The following PXYLP1 variants were observed in gnomAD, a reference collection of about 807,000 sequenced individuals.
PXYLP1 encodes acid phosphatase-like 2.
A neutral mutation model predicts 37.9 loss-of-function variants in PXYLP1; 17 were observed. The observed-to-expected ratio is 0.45, with a 90% CI of 0.31 to 0.67. PXYLP1 has a LOEUF of 0.67. Ranked by LOEUF, PXYLP1 falls within the 30% of genes least tolerant of loss-of-function variation. The pLI is 0.07. For synonymous variants in PXYLP1, 221 were observed against 232.2 expected (o/e 0.95, Z 0.44); for missense variants, 511 against 612.0 (o/e 0.84, Z 1.74).
intron 5 of PXYLP1, among the ~76,000 whole-genome samples, chr3:141,288,251 A>G (rs934909558): frequency 6.6e-6 from 1 of 152,250 alleles, no homozygotes; most frequent in Middle Eastern, 3.2e-3. Context: ...CCTGGTCACC[A>G]GCCTTTATGG....
intron 1 of PXYLP1, among the ~76,000 whole-genome samples, chr3:141,248,664 TAC>T (rs745656230): frequency 0.082 from 4,551 of 55,592 alleles, 1,018 homozygotes; most frequent in Middle Eastern, 0.12. Context: ...CACGTATATA[TAC>T]ACACACGTGT....
intron 1 of PXYLP1, among the ~76,000 whole-genome samples, chr3:141,235,932 C>G (rs568160201): frequency 1.3e-5 from 2 of 152,372 alleles, no homozygotes; most frequent in Admixed American, 1.3e-4. Context: ...GGGGAAGCCA[C>G]TGGCTTTTGG....
chr3:141,239,545 C>G (rs1940745806), intron 1 of PXYLP1, among the ~76,000 whole-genome samples: 1 of 152,070 alleles, frequency 6.6e-6, no homozygotes, highest in Admixed American at 6.5e-5. Flanking sequence ...GCATCTTGCT[C>G]TAATGACTGC....
In PXYLP1 at chr3:141,268,168, GGAGAGAGA is replaced by G. The variant is rs142785821; in HGVS notation, c.79+7946_79+7953del. ...GTACCTTTATATGCGGGTGGGTGGGGGAGAGAGAGAGAGAGAGAGAGAGAGAGAGAGAG... is the reference window on the plus strand; with the variant it reads ...GTACCTTTATATGCGGGTGGGTGGGGGAGAGAGAGAGAGAGAGAGAGAGAG... On this transcript the variant is annotated intron_variant, in intron 2 of 5. Coordinates refer to ENST00000286353, the MANE Select transcript of PXYLP1 (RefSeq NM_001037172.3). 4.9e-3 allele frequency among the ~76,000 whole-genome samples: 629 copies of G among 129,636 alleles called. 7 individuals carry two copies. Among genetic ancestry groups the G allele is most frequent in the South Asian group, 0.01 (40 of 3,828 alleles). 85.0% of individuals were successfully genotyped at this position (129,636 alleles called of 152,430 possible).
At chr3:141,278,630 A>G (rs1941864599) in intron 3 of PXYLP1, 130 bp downstream of exon 3, 2 of 1,202,208 alleles carry the variant, frequency 1.7e-6, no homozygotes, top group Non-Finnish European at 2.3e-6. Flanking sequence ...GTGCCCTTGA[A>G]TGAGTTCCTG....
chr3:141,240,122 A>G (rs779357577), intron 1 of PXYLP1, among the ~76,000 whole-genome samples: 1 of 152,190 alleles, frequency 6.6e-6, no homozygotes, highest in Non-Finnish European at 1.5e-5. Flanking sequence ...ATCTGTCTGT[A>G]CTGACACTTG....
At position 141,286,304 on chromosome 3, in the gene PXYLP1, T is replaced by C. The variant is rs923853545; in HGVS notation, c.366-1010T>C. ...GCAGAAATATAGATACTCTCAGATC[T>C]CATATATAAACTTTTTTTGACATTT... On this transcript the variant is annotated intron_variant, in intron 4 of 5. Coordinates refer to ENST00000286353, the MANE Select transcript of PXYLP1 (RefSeq NM_001037172.3). Among the ~76,000 whole-genome samples, 3 of 152,214 alleles carry C rather than the reference T, an allele frequency of 2.0e-5. No individual in the cohort carries two copies. The East Asian group carries it at 5.8e-4, about 29-fold the overall frequency.
intron 1 of PXYLP1, among the ~76,000 whole-genome samples, chr3:141,254,573 G>T (rs77798932): frequency 6.6e-6 from 1 of 152,270 alleles, no homozygotes; most frequent in East Asian, 1.9e-4. Context: ...AGACTTCAAG[G>T]TTGGTTTTTC....
chr3:141,244,161 C>CT (rs200012420), intron 1 of PXYLP1, among the ~76,000 whole-genome samples: 3,832 of 152,032 alleles, frequency 0.025, 160 homozygotes, highest in African/African-American at 0.085. Flanking sequence ...AATGTTTTTC[C>CT]TTTTTAAAAA....
chr3:141,279,643 T>A, intron 4 of PXYLP1, 139 bp downstream of exon 4: 1 of 1,071,868 alleles, frequency 9.3e-7, no homozygotes, highest in Non-Finnish European at 1.3e-6. Context: ...TGAGTGCCAT[T>A]ATACAGTTGA....
chr3:141,243,989 C>G (rs1203930258), intron 1 of PXYLP1, among the ~76,000 whole-genome samples: 1 of 152,118 alleles, frequency 6.6e-6, no homozygotes, highest in African/African-American at 2.4e-5. Flanking sequence ...TTAGAAAATG[C>G]AGAAATATAT....
At chr3:141,282,850 C>A (rs1388054600) in intron 4 of PXYLP1, among the ~76,000 whole-genome samples, 1 of 152,140 alleles carries the variant, frequency 6.6e-6, no homozygotes, top group Admixed American at 6.5e-5. Flanking sequence ...TGGTGGTACC[C>A]CTCCCTGGAA....
chr3:141,258,118 C>T (rs968836287), intron 1 of PXYLP1, among the ~76,000 whole-genome samples: 6 of 152,062 alleles, frequency 3.9e-5, no homozygotes, highest in East Asian at 1.9e-4. Context: ...CACATGCAAA[C>T]GCAGGGCAAC....
At chr3:141,262,691 A>C (rs966098141) in intron 2 of PXYLP1, 2 of 1,534,558 alleles carry the variant, frequency 1.3e-6, no homozygotes, top group African/African-American at 2.7e-5. Context: ...GAAAGATATT[A>C]AGATATGGAC....
intron 2 of PXYLP1, among the ~76,000 whole-genome samples, chr3:141,261,282 T>C (rs1292214902): frequency 6.6e-6 from 1 of 152,190 alleles, no homozygotes; most frequent in Non-Finnish European, 1.5e-5. Context: ...GCTTCCTGGA[T>C]AGCTAGGACT....
rs554657907 is a variant in PXYLP1 at position 141,259,892 on chromosome 3, A to G, written c.-53-231A>G. ...CTTGTTGATGTCAGATAAGGCATTC[A>G]GGAACTAGTTTTTGCTTACTAACTT... On this transcript the variant is annotated intron_variant, in intron 1 of 5. Transcript: ENST00000286353. 3.3e-5 allele frequency among the ~76,000 whole-genome samples: 5 copies of G among 152,322 alleles called. No individual in the cohort carries two copies. The South Asian group carries it at 1.0e-3, about 32-fold the overall frequency.
At position 141,292,039 on chromosome 3, in the gene PXYLP1, G is replaced by A. The variant is rs377031961; in HGVS notation, c.506-229G>A. On this transcript the variant is annotated intron_variant, in intron 5 of 5. Transcript: ENST00000286353. The surrounding 1 kb of genome is among the most constrained non-coding windows in gnomAD (Gnocchi z 4.3). ...CAAGGCAGATGGTCCAAAGGCCGTGGTTCTCAAGGCCAGGGCCCCGCTCTG... is the reference window on the plus strand; with the variant it reads ...CAAGGCAGATGGTCCAAAGGCCGTGATTCTCAAGGCCAGGGCCCCGCTCTG... Among the ~76,000 whole-genome samples, 5 of 152,214 alleles carry A rather than the reference G, an allele frequency of 3.3e-5. No homozygotes were observed. Among genetic ancestry groups the A allele is most frequent in the African/African-American group, 1.2e-4 (5 of 41,456 alleles).
intron 2 of PXYLP1, among the ~76,000 whole-genome samples, chr3:141,269,897 G>A (rs1941618861): frequency 6.6e-6 from 1 of 152,256 alleles, no homozygotes; most frequent in Non-Finnish European, 1.5e-5. Context: ...AGAAGAGTGT[G>A]GGGTTTCCTG....
At chr3:141,267,472 C>T (rs559264147) in intron 2 of PXYLP1, 3 of 151,998 alleles carry the variant, frequency 2.0e-5, no homozygotes, top group East Asian at 1.9e-4. Flanking sequence ...TTCATTGTGA[C>T]CAAAGTTTTA....
Sources: allele counts gnomAD v4.1 joint callset (sites outside exome capture counted in the v4.1 genomes callset), GRCh38; gene constraint gnomAD v4.1.1; non-coding constraint Gnocchi (gnomAD v3.1); transcripts MANE v1.5; gene names NCBI Gene and HGNC (gene_info 2026-07-23, HGNC 2026-07-21).